SPAG16: variants seen among roughly 807,000 people sequenced by gnomAD.
SPAG16 encodes the protein sperm associated antigen 16.
Under a neutral mutation model 80.4 loss-of-function variants are expected in SPAG16, and 86 were observed. The ratio of observed to expected loss-of-function variants is 1.07; its 90% CI spans 0.90 to 1.28. The LOEUF (loss-of-function observed/expected upper bound fraction) is 1.28, where lower values mean the gene tolerates loss of function less well. Ranked by LOEUF, SPAG16 falls within the 50% of genes most tolerant of loss-of-function variation. The probability of loss-of-function intolerance (pLI) is 0.00; values close to 1 mark genes in which losing one functional copy is unlikely to be tolerated. For synonymous variants in SPAG16, 294 were observed against 265.9 expected (o/e 1.11, Z -1.03); for missense variants, 870 against 765.3 (o/e 1.14, Z -1.61).
intron 14 of SPAG16, among the ~76,000 whole-genome samples, chr2:214,112,973 C>A (rs887424135): frequency 8.5e-5 from 13 of 152,236 alleles, no homozygotes; most frequent in African/African-American, 2.6e-4. Context: ...TTGTTCCTTT[C>A]TATGTTTAGT....
At chr2:213,675,239 T>C (rs1020576798) in intron 10 of SPAG16, among the ~76,000 whole-genome samples, 3 of 152,184 alleles carry the variant, frequency 2.0e-5, no homozygotes, top group African/African-American at 7.2e-5. Context: ...CTTGTTTGCT[T>C]TTTCCTTGTA....
chr2:214,405,307 TG>T (rs1701935639), intron 15 of SPAG16, among the ~76,000 whole-genome samples: 1 of 152,090 alleles, frequency 6.6e-6, no homozygotes, highest in Admixed American at 6.6e-5. Flanking sequence ...TTAAATTTTT[TG>T]TAGAGATGGA....
At chr2:213,720,737 A>G (rs1395364139) in intron 10 of SPAG16, among the ~76,000 whole-genome samples, 1 of 136,260 alleles carries the variant, frequency 7.3e-6, no homozygotes, top group Non-Finnish European at 1.5e-5. Flanking sequence ...TGGCCGAAGT[A>G]AGTCCTTTTT....
chr2:213,572,099 A>G lies in SPAG16; in HGVS notation c.1070+82009A>G, dbSNP rs1004297525. Among the ~76,000 whole-genome samples, 7 of 116,598 alleles carry G rather than the reference A, an allele frequency of 6.0e-5. No individual in the cohort carries two copies. The South Asian group carries it at 2.1e-3, about 35-fold the overall frequency. 76.5% of individuals were successfully genotyped at this position (116,598 alleles called of 152,430 possible). On this transcript the variant is annotated intron_variant, in intron 10 of 15. Coordinates refer to ENST00000331683, the MANE Select transcript of SPAG16 (RefSeq NM_024532.5). ...GGTTTTCAGCTCCATCAGCTCCTTTAAGCACTTCTCTGGATTGGTTATTCT... is the reference window on the plus strand; with the variant it reads ...GGTTTTCAGCTCCATCAGCTCCTTTGAGCACTTCTCTGGATTGGTTATTCT...
At chr2:213,652,884 C>G (rs185077816) in intron 10 of SPAG16, among the ~76,000 whole-genome samples, 1 of 152,264 alleles carries the variant, frequency 6.6e-6, no homozygotes, top group East Asian at 1.9e-4. Flanking sequence ...TTTTACCGAT[C>G]ATGATTCTGT....
intron 10 of SPAG16, among the ~76,000 whole-genome samples, chr2:213,536,956 A>G (rs1420447295): frequency 1.3e-5 from 2 of 152,082 alleles, no homozygotes; most frequent in Non-Finnish European, 2.9e-5. Flanking sequence ...AATGTGGCAC[A>G]TATACACCAT....
At chr2:213,932,182 A>G (rs1289580659) in intron 12 of SPAG16, among the ~76,000 whole-genome samples, 13 of 20,014 alleles carry the variant, frequency 6.5e-4, no homozygotes, top group African/African-American at 1.0e-3. Flanking sequence ...ATATATATAT[A>G]TATATATATA....
chr2:213,617,544 G>T (rs1258551395), intron 10 of SPAG16, among the ~76,000 whole-genome samples: 1 of 152,186 alleles, frequency 6.6e-6, no homozygotes, highest in African/African-American at 2.4e-5. Context: ...GTTTCACCAT[G>T]TTGGTCAGGC....
chr2:213,887,281 A>G (rs1258008462), intron 11 of SPAG16, among the ~76,000 whole-genome samples: 1 of 152,022 alleles, frequency 6.6e-6, no homozygotes, highest in Non-Finnish European at 1.5e-5. Context: ...CTATTGTTGC[A>G]TTTAATAGTC....
intron 15 of SPAG16, among the ~76,000 whole-genome samples, chr2:214,315,498 CTTTT>C (rs1303291459): frequency 2.8e-5 from 4 of 141,986 alleles, no homozygotes; most frequent in East Asian, 2.0e-4. Flanking sequence ...CCAGCCCCAT[CTTTT>C]TTATTTATTT....
chr2:213,892,112 C>T (rs2076806226), intron 11 of SPAG16, among the ~76,000 whole-genome samples: 1 of 152,042 alleles, frequency 6.6e-6, no homozygotes, highest in South Asian at 2.1e-4. Context: ...TGTATAGCAG[C>T]ACCACACGAA....
intron 9 of SPAG16, among the ~76,000 whole-genome samples, chr2:213,447,835 G>T (rs1042475895): frequency 2.6e-5 from 4 of 152,176 alleles, no homozygotes; most frequent in Non-Finnish European, 4.4e-5. Flanking sequence ...GTATAATGTT[G>T]GTTCGAGCTC....
At chr2:213,750,976 CAATGT>C (rs1214646053) in intron 10 of SPAG16, among the ~76,000 whole-genome samples, 1 of 152,048 alleles carries the variant, frequency 6.6e-6, no homozygotes, top group African/African-American at 2.4e-5. Context: ...CTGTTAAATG[CAATGT>C]AAAGTCTGTT....
intron 12 of SPAG16, among the ~76,000 whole-genome samples, chr2:213,953,549 A>C (rs998001229): frequency 3.3e-5 from 5 of 151,866 alleles, no homozygotes; most frequent in Non-Finnish European, 7.4e-5. Flanking sequence ...CACGTGACAC[A>C]TACATCATGG....
chr2:213,953,083 A>G (rs1166280927), intron 12 of SPAG16, among the ~76,000 whole-genome samples: 5 of 139,390 alleles, frequency 3.6e-5, no homozygotes, highest in Non-Finnish European at 6.4e-5. Flanking sequence ...ATATATGATG[A>G]AAAGGACTAG....
At chr2:213,631,200 C>A (rs1322664015) in intron 10 of SPAG16, among the ~76,000 whole-genome samples, 3 of 151,778 alleles carry the variant, frequency 2.0e-5, no homozygotes, top group South Asian at 2.1e-4. Context: ...AGTACCCCCC[C>A]AAAAAAAGAC....
intron 13 of SPAG16, among the ~76,000 whole-genome samples, chr2:214,102,466 C>T (rs2053118506): frequency 6.6e-6 from 1 of 151,912 alleles, no homozygotes. Flanking sequence ...ATTGTAAGGT[C>T]CCGAATGGCA....
rs1237894126 is a variant in SPAG16, at chr2:214,012,280, A to ATT, written c.1401-1670_1401-1669insTT. The stretch of plus-strand genomic sequence containing the variant: ...CTTACATATATATATATATATATAT[A>ATT]TATATATATTTTTTTTTTTTTTTTT... On this transcript the variant is annotated intron_variant, in intron 12 of 15. Coordinates refer to ENST00000331683, the MANE Select transcript of SPAG16 (RefSeq NM_024532.5). Among the ~76,000 whole-genome samples the ATT allele has an allele frequency of 4.1e-3, 188 of 46,330 alleles. 3 individuals carry two copies. Among genetic ancestry groups the ATT allele is most frequent in the African/African-American group, 0.01 (94 of 9,378 alleles). 30.4% of individuals were successfully genotyped at this position (46,330 alleles called of 152,430 possible).
At chr2:213,726,797 G>GA (rs922441786) in intron 10 of SPAG16, among the ~76,000 whole-genome samples, 3 of 152,190 alleles carry the variant, frequency 2.0e-5, no homozygotes, top group African/African-American at 7.2e-5. Context: ...CGACAAAATA[G>GA]AGTACTTTTT....
Sources: allele counts gnomAD v4.1 joint callset (sites outside exome capture counted in the v4.1 genomes callset), GRCh38; gene constraint gnomAD v4.1.1; transcripts MANE v1.5; gene names NCBI Gene and HGNC (gene_info 2026-07-23, HGNC 2026-07-21).